Variants in USP46 observed in about 807,000 individuals in gnomAD.
USP46 encodes ubiquitin specific peptidase 46.
USP46 carries 12 observed loss-of-function variants against 44.4 expected under a neutral mutation model. The ratio of observed to expected loss-of-function variants is 0.27; its 90% CI spans 0.17 to 0.44. USP46 has a LOEUF of 0.44. Ranked by LOEUF, USP46 falls within the 20% of genes least tolerant of loss-of-function variation. The pLI is 1.00. For missense variants in USP46, 248 were observed against 444.8 expected (o/e 0.56, Z 3.98); for synonymous variants, 155 against 161.5 (o/e 0.96, Z 0.31).
chr4:52,622,446 C>A (rs1431282748), intron 4 of USP46, among the ~76,000 whole-genome samples: 3 of 152,076 alleles, frequency 2.0e-5, no homozygotes, highest in Non-Finnish European at 4.4e-5. Flanking sequence ...AAATCAAAAT[C>A]TTTTCCCATA....
At chr4:52,622,802 A>G (rs1717430447) in intron 4 of USP46, among the ~76,000 whole-genome samples, 2 of 152,202 alleles carry the variant, frequency 1.3e-5, no homozygotes, top group Admixed American at 1.3e-4. Context: ...CAACAGGGGC[A>G]GGTGGTGTGC....
intron 1 of USP46, chr4:52,656,284 T>G: frequency 6.4e-7 from 1 of 1,551,324 alleles, no homozygotes; most frequent in East Asian, 2.4e-5. Flanking sequence ...AAGGGACCTG[T>G]AAGACACCTA....
At chr4:52,623,753 C>T (rs1452813574) in intron 4 of USP46, among the ~76,000 whole-genome samples, 3 of 151,916 alleles carry the variant, frequency 2.0e-5, no homozygotes, top group Admixed American at 1.3e-4. Context: ...TGGTGAAATC[C>T]CATCTCTACT....
chr4:52,654,872 C>G (rs904138054), intron 1 of USP46, among the ~76,000 whole-genome samples: 28 of 152,230 alleles, frequency 1.8e-4, no homozygotes, highest in African/African-American at 5.8e-4. Flanking sequence ...TTTCATAAAG[C>G]CTTTATCTAA....
chr4:52,636,895 G>A (rs1399196765), intron 1 of USP46, among the ~76,000 whole-genome samples: 9 of 150,744 alleles, frequency 6.0e-5, no homozygotes, highest in Non-Finnish European at 1.0e-4. Flanking sequence ...CTGCAGCCTT[G>A]ACCTCCCAGG....
chr4:52,640,370 A>T (rs573220196), intron 1 of USP46, among the ~76,000 whole-genome samples: 1 of 152,174 alleles, frequency 6.6e-6, no homozygotes, highest in African/African-American at 2.4e-5. Flanking sequence ...CATTTAATGG[A>T]AATTTTTGAA....
At chr4:52,628,233 G>T in intron 2 of USP46, 70 bp from the exon 3 acceptor site, 1 of 1,485,746 alleles carries the variant, frequency 6.7e-7, no homozygotes, top group East Asian at 2.3e-5. Context: ...TAAGTGGTGA[G>T]GGTGAGAAGG....
intron 1 of USP46, among the ~76,000 whole-genome samples, 179 bp downstream of exon 1, chr4:52,658,935 AC>A (rs1372716931): frequency 6.7e-6 from 1 of 150,240 alleles, no homozygotes; most frequent in Admixed American, 6.6e-5. Flanking sequence ...GGGCTCGGGG[AC>A]CCTCCCCGGC....
At chr4:52,629,271 A>T (rs1391584176) in intron 2 of USP46, among the ~76,000 whole-genome samples, 3 of 152,234 alleles carry the variant, frequency 2.0e-5, no homozygotes, top group Non-Finnish European at 4.4e-5. Context: ...TGACACAATT[A>T]TGTAACAGGA....
chr4:52,621,822 T>C (rs1047278333), intron 4 of USP46, among the ~76,000 whole-genome samples: 2 of 152,190 alleles, frequency 1.3e-5, no homozygotes, highest in Non-Finnish European at 2.9e-5. Flanking sequence ...GACCAGGAGA[T>C]AGTTTGTAGC....
intron 4 of USP46, among the ~76,000 whole-genome samples, chr4:52,624,098 T>TTGGGC (rs573302866): frequency 3.8e-4 from 58 of 152,010 alleles, no homozygotes; most frequent in African/African-American, 1.4e-3. Context: ...AAAGGGTGTG[T>TTGGGC]TGGGGTTGGG....
intron 1 of USP46, among the ~76,000 whole-genome samples, chr4:52,636,065 T>A (rs1447474897): frequency 6.6e-6 from 1 of 152,180 alleles, no homozygotes; most frequent in African/African-American, 2.4e-5. Flanking sequence ...GTAGATGGAA[T>A]TAATTTGCTA....
Position 52,613,018 on chromosome 4 carries a change from A to G in USP46, c.562-2401T>C, listed in dbSNP as rs145674252. On this transcript the variant is annotated intron_variant, in intron 4 of 8. Transcript: ENST00000441222. ...AAACTAGAAACTATAAACTCACATA[A>G]CCAAAAACTAAAAGCAGCTACCTGA... 4.9e-3 allele frequency among the ~76,000 whole-genome samples: 741 copies of G among 152,356 alleles called. 10 individuals are homozygous for G. The highest frequency in any genetic ancestry group is 0.014 in the Middle Eastern group (4 of 294).
intron 1 of USP46, among the ~76,000 whole-genome samples, chr4:52,649,891 A>C (rs1209665572): frequency 6.6e-6 from 1 of 152,196 alleles, no homozygotes; most frequent in Non-Finnish European, 1.5e-5. Context: ...TGTGGCACTT[A>C]AAATACACAC....
intron 4 of USP46, among the ~76,000 whole-genome samples, 190 bp from the exon 5 acceptor site, chr4:52,610,807 A>G (rs1716909065): frequency 6.6e-6 from 1 of 152,232 alleles, no homozygotes; most frequent in South Asian, 2.1e-4. Flanking sequence ...CAAATTCTCA[A>G]TTTAACCTCA....
chr4:52,636,864 CA>C (rs1718137934), intron 1 of USP46, among the ~76,000 whole-genome samples: 7 of 151,602 alleles, frequency 4.6e-5, no homozygotes, highest in Middle Eastern at 6.8e-3. Flanking sequence ...GACTGCAGTG[CA>C]TGGGTGTGAT....
Position 52,592,570 on chromosome 4 carries a change from G to A in USP46, c.*5070C>T, listed in dbSNP as rs116158734. ...TGTTTAAAAGTGTGTAACCCCAGCC[G>A]AGCAAGGTGGCTCTTGCCTGTAATC... On this transcript the variant is annotated 3_prime_UTR_variant, in exon 9 of 9. Coordinates refer to ENST00000441222, the MANE Select transcript of USP46 (RefSeq NM_022832.4). 1,903 of 253,092 alleles carry A rather than the reference G, an allele frequency of 7.5e-3. 24 individuals carry two copies. Among genetic ancestry groups the A allele is most frequent in the African/African-American group, 0.033 (1,499 of 45,414 alleles). 15.7% of individuals were successfully genotyped at this position (253,092 alleles called of 1,614,324 possible).
Position 52,596,310 on chromosome 4 carries a change from G to A in USP46, c.*1330C>T, listed in dbSNP as rs1265360386. The stretch of plus-strand genomic sequence containing the variant: ...TATGGAAGTTAAGTGGCTTCTAAAG[G>A]AAGCCAAGATCTATGACTCAAAAAC... On this transcript the variant is annotated 3_prime_UTR_variant, in exon 9 of 9. Coordinates refer to ENST00000441222, the MANE Select transcript of USP46 (RefSeq NM_022832.4). 1 of 152,566 alleles carries A rather than the reference G, an allele frequency of 6.6e-6. No homozygotes were observed. Among genetic ancestry groups the A allele is most frequent in the African/African-American group, 2.4e-5 (1 of 41,410 alleles). 9.5% of individuals were successfully genotyped at this position (152,566 alleles called of 1,614,324 possible). A position where few individuals can be genotyped will look rare whatever the true frequency, so the allele number is the denominator to read the frequency against.
At chr4:52,625,259 C>T (rs1355405689) in intron 4 of USP46, among the ~76,000 whole-genome samples, 1 of 152,020 alleles carries the variant, frequency 6.6e-6, no homozygotes, top group African/African-American at 2.4e-5. Flanking sequence ...TTCTCATCAT[C>T]CCTATTTTAT....
Sources: allele counts gnomAD v4.1 joint callset (sites outside exome capture counted in the v4.1 genomes callset), GRCh38; gene constraint gnomAD v4.1.1; transcripts MANE v1.5; gene names NCBI Gene and HGNC (gene_info 2026-07-23, HGNC 2026-07-21).